KYAT1: variants seen among roughly 807,000 people sequenced by gnomAD.
The protein encoded by KYAT1 is kynurenine--oxoglutarate transaminase 1.
KYAT1 carries 47 observed loss-of-function variants against 52.4 expected under a neutral mutation model. That is an observed-to-expected ratio of 0.90 (90% CI 0.71 to 1.14). The LOEUF (loss-of-function observed/expected upper bound fraction) is 1.14, where lower values mean the gene tolerates loss of function less well. Ranked by LOEUF, KYAT1 falls within the 50% of genes most tolerant of loss-of-function variation. The pLI, the probability that KYAT1 is intolerant of heterozygous loss-of-function variation, is 0.00. For missense variants in KYAT1, 480 were observed against 557.9 expected, an observed-to-expected ratio of 0.86 and a Z score of 1.41; for synonymous variants, 212 against 209.6, an observed-to-expected ratio of 1.01 and a Z score of -0.10.
intron 1 of KYAT1, among the ~76,000 whole-genome samples, chr9:128,875,470 G>A (rs956773209): frequency 2.6e-5 from 4 of 151,792 alleles, no homozygotes; most frequent in African/African-American, 4.8e-5. Context: ...AAAATTAGCC[G>A]GGTGTGGTGG....
At chr9:128,835,454 C>T in intron 10 of KYAT1, 27 bp downstream of exon 10, 2 of 1,613,828 alleles carry the variant, frequency 1.2e-6, no homozygotes, top group Non-Finnish European at 8.5e-7. Flanking sequence ...CCCCTGCGCC[C>T]TGCCCAGACC....
At chr9:128,868,356 CA>C (rs1033126414) in intron 1 of KYAT1, among the ~76,000 whole-genome samples, 1 of 151,938 alleles carries the variant, frequency 6.6e-6, no homozygotes, top group Non-Finnish European at 1.5e-5. Flanking sequence ...AGGCGTGAGC[CA>C]TCATGCCCAG....
At chr9:128,844,432 G>A (rs1235072517) in intron 2 of KYAT1, among the ~76,000 whole-genome samples, 1 of 151,672 alleles carries the variant, frequency 6.6e-6, no homozygotes, top group East Asian at 1.9e-4. Flanking sequence ...TGTAATCCCA[G>A]TACTTTGGGA....
In KYAT1 at chr9:128,833,430, G is replaced by A. The variant is rs915208476; in HGVS notation, c.*154C>T. ...TTGGTTCTCTAAGATGAAGAAGGGC[G>A]GCTCCCACCCAGAACATTCTGTGTC... On this transcript the variant is annotated 3_prime_UTR_variant, in exon 13 of 13. Coordinates refer to ENST00000302586, the MANE Select transcript of KYAT1 (RefSeq NM_004059.5). 5.2e-5 allele frequency: 40 copies of A among 771,992 alleles called. No homozygotes were observed. The highest frequency in any genetic ancestry group is 2.4e-4 in the Admixed American group (10 of 41,666). 47.8% of individuals were successfully genotyped at this position (771,992 alleles called of 1,614,324 possible).
intron 1 of KYAT1, among the ~76,000 whole-genome samples, chr9:128,854,426 G>A (rs931727872): frequency 6.6e-6 from 1 of 152,220 alleles, no homozygotes; most frequent in Non-Finnish European, 1.5e-5. Context: ...AGGTGATAAC[G>A]TGGGGGAGAG....
At chr9:128,869,992 G>C (rs1837007554) in intron 1 of KYAT1, among the ~76,000 whole-genome samples, 1 of 152,094 alleles carries the variant, frequency 6.6e-6, no homozygotes, top group African/African-American at 2.4e-5. Context: ...GACCTCAGGT[G>C]ATCCCCCCGC....
chr9:128,838,180 C>A, intron 4 of KYAT1, 38 bp downstream of exon 4: 2 of 1,614,166 alleles, frequency 1.2e-6, no homozygotes, highest in Non-Finnish European at 1.7e-6. Context: ...ATGGCCCTGA[C>A]CTCTCAGTCC....
At chr9:128,836,743 T>G in intron 7 of KYAT1, 59 bp downstream of exon 7, 1 of 1,584,166 alleles carries the variant, frequency 6.3e-7, no homozygotes, top group Non-Finnish European at 8.6e-7. Flanking sequence ...GACTCTCAGG[T>G]GGGGTCAAGG....
At chr9:128,854,183 T>A (rs552515319) in intron 1 of KYAT1, among the ~76,000 whole-genome samples, 1 of 152,106 alleles carries the variant, frequency 6.6e-6, no homozygotes, top group African/African-American at 2.4e-5. Context: ...AAAGAAGTAA[T>A]AGAACACTCA....
At chr9:128,863,305 G>A (rs573601847) in intron 1 of KYAT1, among the ~76,000 whole-genome samples, 8 of 152,066 alleles carry the variant, frequency 5.3e-5, no homozygotes, top group Admixed American at 1.3e-4. Context: ...TTACCTCTCT[G>A]AACATCAATT....
rs1836843804 is a variant in KYAT1, at chr9:128,869,042, GT to G, written c.-7+12854del. 3.3e-5 allele frequency among the ~76,000 whole-genome samples: 5 copies of G among 152,010 alleles called. No homozygotes were observed. In the South Asian group the frequency reaches 1.0e-3, roughly 31 times the overall value. ...TTTGTAGAGACGGGGGTCTCACTAT[GT>G]TGCCCAGGCTGGTCTCAAATTTCTG... On this transcript the variant is annotated intron_variant, in intron 1 of 12. Coordinates refer to ENST00000302586, the MANE Select transcript of KYAT1 (RefSeq NM_004059.5).
At chr9:128,859,339 C>G (rs1243466854) in intron 1 of KYAT1, among the ~76,000 whole-genome samples, 3 of 150,832 alleles carry the variant, frequency 2.0e-5, no homozygotes, top group Non-Finnish European at 4.4e-5. Context: ...CCAGCCTGGG[C>G]AACAGAGGGA....
Position 128,835,318 on chromosome 9 carries a change from C to G in KYAT1, c.1122+5G>C. 6.2e-7 allele frequency: 1 copy of G among 1,612,932 alleles called. No individual in the cohort carries two copies. Among genetic ancestry groups the G allele is most frequent in the Non-Finnish European group, 8.5e-7 (1 of 1,179,192 alleles). On this transcript the variant is annotated splice_donor_5th_base_variant and intron_variant, in intron 11 of 12. Coordinates refer to ENST00000302586, the MANE Select transcript of KYAT1 (RefSeq NM_004059.5). ...ACATGGCTGCCTGGCAGAGGCCCAG[C>G]CCACCTTGTTCTTGATCATCCACTT...
At chr9:128,837,566 T>C in intron 6 of KYAT1, 119 bp downstream of exon 6, 2 of 1,193,546 alleles carry the variant, frequency 1.7e-6, no homozygotes, top group Non-Finnish European at 2.4e-6. Flanking sequence ...CAGTGCTCAT[T>C]GTGTGTGGCC....
intron 1 of KYAT1, among the ~76,000 whole-genome samples, chr9:128,858,395 T>TAAA (rs59939090): frequency 1.5e-5 from 1 of 65,106 alleles, no homozygotes; most frequent in African/African-American, 8.4e-5. Flanking sequence ...AGACCATGTA[T>TAAA]AAAAAAAAAA....
chr9:128,837,031 C>T (rs909519469), intron 6 of KYAT1, 109 bp from the exon 7 acceptor site: 130 of 1,402,926 alleles, frequency 9.3e-5, no homozygotes, highest in Non-Finnish European at 1.1e-4. Flanking sequence ...CGGTGGCTCA[C>T]GCCTGTAATC....
intron 3 of KYAT1, among the ~76,000 whole-genome samples, chr9:128,841,185 C>A (rs1416313468): frequency 3.3e-5 from 5 of 152,138 alleles, no homozygotes; most frequent in Non-Finnish European, 7.4e-5. Flanking sequence ...ACCGGACTAA[C>A]ATGGTGAAAC....
At chr9:128,866,635 C>A (rs118150196) in intron 1 of KYAT1, among the ~76,000 whole-genome samples, 6,033 of 141,580 alleles carry the variant, frequency 0.043, 135 homozygotes, top group Middle Eastern at 0.1. Flanking sequence ...AGTCGCCGGG[C>A]GCAGTGGCTC....
At chr9:128,847,574 G>C (rs777713810) in intron 1 of KYAT1, 2 of 1,414,406 alleles carry the variant, frequency 1.4e-6, no homozygotes, top group Admixed American at 2.0e-5. Flanking sequence ...AGAGGCAGGG[G>C]AGAAGGGAGG....
Sources: gnomAD v4.1 joint callset for allele counts (sites outside exome capture counted in the v4.1 genomes callset) on GRCh38, gnomAD v4.1.1 for gene constraint, MANE v1.5 for transcripts, NCBI Gene and HGNC (gene_info 2026-07-23, HGNC 2026-07-21) for gene names.